Variants in ZCCHC4 observed in about 807,000 individuals in gnomAD.
The protein encoded by ZCCHC4 is rRNA N(6)-adenosine-methyltransferase ZCCHC4.
In ZCCHC4, 54 loss-of-function variants were observed where a neutral mutation model predicts 67.7. That is an observed-to-expected ratio of 0.80 (90% confidence interval 0.64 to 1.00). The LOEUF is 1.00. Ranked by LOEUF, ZCCHC4 falls within the 50% of genes least tolerant of loss-of-function variation. The pLI, the probability that ZCCHC4 is intolerant of heterozygous loss-of-function variation, is 0.00. For missense variants in ZCCHC4, 609 were observed against 617.0 expected, an observed-to-expected ratio of 0.99 and a Z score of 0.14; for synonymous variants, 198 against 213.5, an observed-to-expected ratio of 0.93 and a Z score of 0.63.
At chr4:25,336,918 A>G (rs1211500778) in intron 5 of ZCCHC4, among the ~76,000 whole-genome samples, 1 of 152,236 alleles carries the variant, frequency 6.6e-6, no homozygotes, top group Non-Finnish European at 1.5e-5. Context: ...TAAAGAGGTT[A>G]AATAGCTTGA....
chr4:25,337,791 G>A (rs1214218476), intron 5 of ZCCHC4, among the ~76,000 whole-genome samples: 1 of 152,134 alleles, frequency 6.6e-6, no homozygotes, highest in Non-Finnish European at 1.5e-5. Flanking sequence ...TAATAGTATG[G>A]TTTTGAATTT....
chr4:25,338,546 C>G (rs755020700), intron 5 of ZCCHC4, among the ~76,000 whole-genome samples: 1 of 152,240 alleles, frequency 6.6e-6, no homozygotes, highest in Non-Finnish European at 1.5e-5. Flanking sequence ...CAGTCCCTCC[C>G]CATTTACCAT....
In ZCCHC4 at chr4:25,312,791, T is replaced by C. The variant is rs775159349; in HGVS notation, c.-19T>C. On this transcript the variant is annotated 5_prime_UTR_variant, in exon 1 of 13. Transcript: ENST00000302874. ...GCATTCTTGTTTCGTACTGAGGCTT[T>C]CGGGACGGCGGCGGGAAGATGGCGG... The C allele has an allele frequency of 2.5e-6, 4 of 1,612,910 alleles. No homozygotes were observed. The highest frequency in any genetic ancestry group is 3.4e-6 in the Non-Finnish European group (4 of 1,179,874).
chr4:25,333,513 G>A, intron 4 of ZCCHC4, 55 bp downstream of exon 4: 13 of 1,575,294 alleles, frequency 8.3e-6, no homozygotes, highest in Non-Finnish European at 1.1e-5. Flanking sequence ...GAAACTGTAT[G>A]AAGATTTTAT....
intron 3 of ZCCHC4, among the ~76,000 whole-genome samples, chr4:25,316,158 G>T (rs1202180194): frequency 6.6e-6 from 1 of 152,206 alleles, no homozygotes; most frequent in Non-Finnish European, 1.5e-5. Flanking sequence ...TATCAGAACT[G>T]TATTCCTTTT....
At chr4:25,351,721 T>G in intron 8 of ZCCHC4, 32 bp downstream of exon 8, 1 of 1,527,786 alleles carries the variant, frequency 6.5e-7, no homozygotes, top group South Asian at 1.2e-5. Context: ...CTGGCATGGT[T>G]GGGGAATGGA....
intron 12 of ZCCHC4, chr4:25,366,033 C>G: frequency 1.1e-6 from 1 of 918,972 alleles, no homozygotes; most frequent in Non-Finnish European, 1.3e-6. Context: ...ATTGGGCTAC[C>G]ATGTGACTAT....
At position 25,337,629 on chromosome 4, in the gene ZCCHC4, G is replaced by A. The variant is rs141447199; in HGVS notation, c.686+3641G>A. On this transcript the variant is annotated intron_variant, in intron 5 of 12. Coordinates refer to ENST00000302874, the MANE Select transcript of ZCCHC4 (RefSeq NM_024936.3). ...GGTTCTCCACAGGAAACAGGTGTTCGACTTAAAGAGTAGGGATGTAGGTGC... is the reference window on the plus strand; with the variant it reads ...GGTTCTCCACAGGAAACAGGTGTTCAACTTAAAGAGTAGGGATGTAGGTGC... 3.1e-3 allele frequency among the ~76,000 whole-genome samples: 477 copies of A among 152,278 alleles called. 1 individual carries two copies. The highest frequency in any genetic ancestry group is 0.011 in the African/African-American group (460 of 41,538).
intron 8 of ZCCHC4, among the ~76,000 whole-genome samples, chr4:25,354,645 T>C (rs1276764511): frequency 1.3e-5 from 2 of 152,138 alleles, no homozygotes; most frequent in African/African-American, 4.8e-5. Flanking sequence ...CTTTTTCTTT[T>C]GTTACTTTAA....
chr4:25,350,948 AG>A (rs1720271656), intron 7 of ZCCHC4, among the ~76,000 whole-genome samples: 1 of 152,224 alleles, frequency 6.6e-6, no homozygotes, highest in African/African-American at 2.4e-5. Context: ...GACAGTACAT[AG>A]AATGTACTTA....
intron 8 of ZCCHC4, among the ~76,000 whole-genome samples, chr4:25,358,543 C>A (rs538339517): frequency 6.6e-6 from 1 of 152,328 alleles, no homozygotes; most frequent in East Asian, 1.9e-4. Flanking sequence ...CATAACAAAT[C>A]TCTTTAATAA....
At chr4:25,352,975 TC>T (rs1196826686) in intron 8 of ZCCHC4, among the ~76,000 whole-genome samples, 1 of 152,258 alleles carries the variant, frequency 6.6e-6, no homozygotes, top group Non-Finnish European at 1.5e-5. Context: ...TTCAAAGTGT[TC>T]ACTTTTAATC....
In ZCCHC4 at chr4:25,321,475, C is replaced by T. The variant is rs185226996; in HGVS notation, c.329+6075C>T. Among the ~76,000 whole-genome samples the T allele has an allele frequency of 5.3e-3, 806 of 152,232 alleles. 6 individuals carry two copies. Among genetic ancestry groups the T allele is most frequent in the Middle Eastern group, 0.017 (5 of 294 alleles). ...TCAACCTCCACTTCTGGGGTTCAAGCGACTCTCCTGCCTCAGCCTCCCAAG... is the reference window on the plus strand; with the variant it reads ...TCAACCTCCACTTCTGGGGTTCAAGTGACTCTCCTGCCTCAGCCTCCCAAG... On this transcript the variant is annotated intron_variant, in intron 3 of 12. Coordinates refer to ENST00000302874, the MANE Select transcript of ZCCHC4 (RefSeq NM_024936.3).
chr4:25,362,656 T>C (rs554061263), intron 10 of ZCCHC4, among the ~76,000 whole-genome samples: 1 of 152,188 alleles, frequency 6.6e-6, no homozygotes, highest in Admixed American at 6.5e-5. Flanking sequence ...ATCATTCTGA[T>C]GAAATAATTA....
Position 25,359,446 on chromosome 4 carries a change from T to A in ZCCHC4, c.1012-2413T>A, listed in dbSNP as rs539931890. ...TCGGCTACAGAGCTTGGAAAAGGAA[T>A]TAGAGGCTGCTCTGGATACAGGCCT... is the stretch of plus-strand genomic sequence containing the variant. On this transcript the variant is annotated intron_variant, in intron 8 of 12. Coordinates refer to ENST00000302874, the MANE Select transcript of ZCCHC4 (RefSeq NM_024936.3). The surrounding 1 kb of genome is among the most constrained non-coding windows in gnomAD (Gnocchi z 4.9). Among the ~76,000 whole-genome samples, 1 of 152,142 alleles carries A rather than the reference T, an allele frequency of 6.6e-6. No individual in the cohort carries two copies. The highest frequency in any genetic ancestry group is 1.9e-4 in the East Asian group (1 of 5,144).
At chr4:25,315,823 C>T (rs115884528) in intron 3 of ZCCHC4, among the ~76,000 whole-genome samples, 1,780 of 151,994 alleles carry the variant, frequency 0.012, 17 homozygotes, top group South Asian at 0.029. Flanking sequence ...AACCAGTCCT[C>T]CACCTCAGCC....
intron 5 of ZCCHC4, among the ~76,000 whole-genome samples, chr4:25,344,778 C>T (rs966793043): frequency 3.4e-5 from 5 of 149,046 alleles, no homozygotes; most frequent in African/African-American, 4.9e-5. Context: ...AGCTAGCCTG[C>T]GTTAGACAAA....
chr4:25,337,271 TAGTCTAGTTGAGATA>T (rs1337070189), intron 5 of ZCCHC4, among the ~76,000 whole-genome samples: 1 of 152,262 alleles, frequency 6.6e-6, no homozygotes, highest in Non-Finnish European at 1.5e-5. Flanking sequence ...TAGCAGGCTT[TAGTCTAGTTGAGATA>T]GTGAGCCTCA....
At chr4:25,343,350 G>A (rs1214219774) in intron 5 of ZCCHC4, among the ~76,000 whole-genome samples, 2 of 152,054 alleles carry the variant, frequency 1.3e-5, no homozygotes, top group East Asian at 3.8e-4. Flanking sequence ...AGAATGGTTG[G>A]CAGCTCTTTG....
Sources: gnomAD v4.1 joint callset for allele counts (sites outside exome capture counted in the v4.1 genomes callset) on GRCh38, gnomAD v4.1.1 for gene constraint, Gnocchi (gnomAD v3.1) non-coding constraint, MANE v1.5 for transcripts, NCBI Gene and HGNC (gene_info 2026-07-23, HGNC 2026-07-21) for gene names.